The following PSMA3 variants were observed in gnomAD, a reference collection of about 807,000 sequenced individuals.
The protein encoded by PSMA3 is proteasome 20S subunit alpha 3, also known as proteasome subunit alpha type-3.
A neutral mutation model predicts 40.0 loss-of-function variants in PSMA3; 8 were observed. The observed-to-expected ratio is 0.20, with a 90% CI of 0.12 to 0.36. The LOEUF is 0.36. Ranked by LOEUF, PSMA3 falls within the 10% of genes least tolerant of loss-of-function variation. PSMA3 has a pLI of 1.00. For synonymous variants in PSMA3, 110 were observed against 100.0 expected (o/e 1.10, Z -0.59); for missense variants, 219 against 310.6 (o/e 0.70, Z 2.22).
At chr14:58,249,022 A>G (rs546541901) in intron 2 of PSMA3, among the ~76,000 whole-genome samples, 9 of 152,068 alleles carry the variant, frequency 5.9e-5, no homozygotes, top group East Asian at 3.9e-4. Flanking sequence ...CTGGAGTGCA[A>G]TGGCACAATG....
chr14:58,256,702 A>G (rs547081332), intron 3 of PSMA3, among the ~76,000 whole-genome samples: 33 of 152,070 alleles, frequency 2.2e-4, no homozygotes, highest in Non-Finnish European at 1.9e-4. Flanking sequence ...GTGAGCCACC[A>G]GGTCCGGCCT....
intron 2 of PSMA3, among the ~76,000 whole-genome samples, chr14:58,251,311 G>A (rs1890005402): frequency 6.6e-6 from 1 of 152,188 alleles, no homozygotes; most frequent in Middle Eastern, 3.4e-3. Context: ...TTTGAGACAG[G>A]GTCTCACTCT....
At chr14:58,250,042 A>G (rs1235876527) in intron 2 of PSMA3, among the ~76,000 whole-genome samples, 2 of 149,896 alleles carry the variant, frequency 1.3e-5, no homozygotes, top group Non-Finnish European at 3.0e-5. Context: ...AACATGGTGA[A>G]ATCCCGTCTC....
chr14:58,265,698 A>C (rs1276444738), intron 7 of PSMA3: 1 of 152,252 alleles, frequency 6.6e-6, no homozygotes, highest in African/African-American at 2.4e-5. Flanking sequence ...ACATGTAAAA[A>C]ATAGATTTGC....
rs534153797 is a variant in PSMA3, at chr14:58,271,716, T to C, written c.724-135T>C. ...TAATTAACTTTGCTTGGGTATCTTA[T>C]TCTGAAACTGTTCATTCAGTTACAA... On this transcript the variant is annotated intron_variant, in intron 10 of 10. Transcript: ENST00000216455. 5 of 668,234 alleles carry C rather than the reference T, an allele frequency of 7.5e-6. No individual in the cohort carries two copies. The East Asian group carries it at 8.3e-5, about 11-fold the overall frequency. 41.4% of individuals were successfully genotyped at this position (668,234 alleles called of 1,614,324 possible). A position where few individuals can be genotyped will look rare whatever the true frequency, so the allele number is the denominator to read the frequency against.
chr14:58,262,021 C>T (rs1244336054), intron 6 of PSMA3, among the ~76,000 whole-genome samples: 1 of 151,770 alleles, frequency 6.6e-6, no homozygotes, highest in Non-Finnish European at 1.5e-5. Flanking sequence ...CTTCCGCCTC[C>T]TAGGTTCAAG....
chr14:58,247,815 G>A lies in PSMA3; in HGVS notation c.87G>A (p.Lys29=). Residue 29 remains lysine (K), a synonymous_variant, in exon 2 of 11, where the codon AAG becomes AAA. Coordinates refer to ENST00000216455, the MANE Select transcript of PSMA3 (RefSeq NM_002788.4). ...TTTTTCAAGTTGAATATGCTATGAA[G>A]GCTGTGGAAAATAGTAGGTAAGAAA... is the stretch of plus-strand genomic sequence containing the variant. ...GRVFQVEYAM[K]AVENSSTAIG... is the part of the protein sequence containing the mutation. 1 of 1,600,440 alleles carries A rather than the reference G, an allele frequency of 6.2e-7. No individual in the cohort carries two copies. Among genetic ancestry groups the A allele is most frequent in the Non-Finnish European group, 8.6e-7 (1 of 1,168,874 alleles).
chr14:58,254,820 C>T (rs1301835001), intron 3 of PSMA3, among the ~76,000 whole-genome samples: 1 of 152,126 alleles, frequency 6.6e-6, no homozygotes, highest in African/African-American at 2.4e-5. Flanking sequence ...CTATTCTAAA[C>T]ACGCGTTTCC....
At chr14:58,270,592 G>T in intron 9 of PSMA3, 107 bp downstream of exon 9, 2 of 1,542,222 alleles carry the variant, frequency 1.3e-6, no homozygotes, top group Non-Finnish European at 1.7e-6. Context: ...AAATTTACTA[G>T]GTTGTCTAAT....
chr14:58,263,796 C>T (rs1362423477), intron 7 of PSMA3, 26 bp downstream of exon 7: 2 of 1,598,470 alleles, frequency 1.3e-6, no homozygotes, highest in Non-Finnish European at 1.7e-6. Flanking sequence ...TGAATTTTTA[C>T]TATGTCGTCA....
chr14:58,258,619 C>T (rs1436813223), intron 5 of PSMA3, among the ~76,000 whole-genome samples: 4 of 151,794 alleles, frequency 2.6e-5, no homozygotes, highest in Admixed American at 2.0e-4. Flanking sequence ...CCATTAGGCA[C>T]GGTTTCTCTT....
At position 58,244,950 on chromosome 14, in the gene PSMA3, G is replaced by A. The variant is rs777554547; in HGVS notation, c.21+9G>A. 1 of 1,614,166 alleles carries A rather than the reference G, an allele frequency of 6.2e-7. No homozygotes were observed. The highest frequency in any genetic ancestry group is 8.5e-7 in the Non-Finnish European group (1 of 1,180,006). On this transcript the variant is annotated intron_variant, in intron 1 of 10. Coordinates refer to ENST00000216455, the MANE Select transcript of PSMA3 (RefSeq NM_002788.4). ...GCTCAATCGGCACTGGGGTGAGTTC[G>A]CTGTCTGTCGGTGTAATAGTTTAAC...
At chr14:58,254,127 C>G (rs1890082813) in intron 3 of PSMA3, among the ~76,000 whole-genome samples, 1 of 151,130 alleles carries the variant, frequency 6.6e-6, no homozygotes, top group African/African-American at 2.4e-5. Flanking sequence ...CATCATTTAG[C>G]TTCCACTTAT....
chr14:58,262,985 C>CT (rs5808966), intron 6 of PSMA3, among the ~76,000 whole-genome samples: 1,846 of 131,664 alleles, frequency 0.014, 31 homozygotes, highest in Middle Eastern at 0.02. Context: ...TGTGTACATC[C>CT]TTTTTTTTTT....
rs148479639 is a variant in PSMA3 at position 58,248,076 on chromosome 14, T to A, written c.104+244T>A. Among the ~76,000 whole-genome samples, 77 of 152,244 alleles carry A rather than the reference T, an allele frequency of 5.1e-4. No individual in the cohort carries two copies. In the East Asian group the frequency reaches 0.013, roughly 26 times the overall value. On this transcript the variant is annotated intron_variant, in intron 2 of 10. Coordinates refer to ENST00000216455, the MANE Select transcript of PSMA3 (RefSeq NM_002788.4). The stretch of plus-strand genomic sequence containing the variant: ...AGTGTATAAATCACATTCATTATCA[T>A]CTTTTTGTTTTCCATTTTCAAATTC...
chr14:58,258,419 T>C (rs1319804580), intron 5 of PSMA3: 1 of 111,748 alleles, frequency 8.9e-6, no homozygotes, highest in Non-Finnish European at 1.7e-5. Flanking sequence ...GCTGGCGCAA[T>C]AGAGACTCTG....
chr14:58,257,626 A>T, intron 3 of PSMA3, 119 bp from the exon 4 acceptor site: 1 of 862,894 alleles, frequency 1.2e-6, no homozygotes, highest in South Asian at 1.8e-5. Context: ...TTTAAGCCAA[A>T]AAAGTTTATT....
intron 9 of PSMA3, 91 bp from the exon 10 acceptor site, chr14:58,270,843 A>C (rs1014437926): frequency 3.7e-6 from 4 of 1,078,812 alleles, no homozygotes; most frequent in Non-Finnish European, 5.3e-6. Context: ...GGTGAGTCAG[A>C]TATGTGGATT....
At chr14:58,266,862 A>T (rs1304998356) in intron 7 of PSMA3, 3 of 152,234 alleles carry the variant, frequency 2.0e-5, no homozygotes, top group Admixed American at 2.0e-4. Context: ...GGCTATAAAG[A>T]AAATCAGATG....
Sources: allele counts gnomAD v4.1 joint callset (sites outside exome capture counted in the v4.1 genomes callset), GRCh38; gene constraint gnomAD v4.1.1; transcripts MANE v1.5; gene names NCBI Gene and HGNC (gene_info 2026-07-23, HGNC 2026-07-21).